Variants in SPOCK3 observed in about 807,000 individuals in gnomAD.
SPOCK3 encodes the protein SPARC (osteonectin), cwcv and kazal like domains proteoglycan 3.
A neutral mutation model predicts 56.6 loss-of-function variants in SPOCK3; 30 were observed. The ratio of observed to expected loss-of-function variants is 0.53; its 90% CI spans 0.40 to 0.72. The LOEUF (loss-of-function observed/expected upper bound fraction) is 0.72, where lower values mean the gene tolerates loss of function less well. SPOCK3 is among the 30% of genes least tolerant of loss of function. The probability of loss-of-function intolerance (pLI) is 0.00; values close to 1 mark genes in which losing one functional copy is unlikely to be tolerated. For missense variants in SPOCK3, 527 were observed against 530.0 expected (o/e 0.99, Z 0.06); for synonymous variants, 196 against 183.3 (o/e 1.07, Z -0.56).
chr4:167,016,155 G>A (rs1233360218), intron 3 of SPOCK3, among the ~76,000 whole-genome samples: 1 of 152,092 alleles, frequency 6.6e-6, no homozygotes, highest in Non-Finnish European at 1.5e-5. Flanking sequence ...GTGGCTTGAT[G>A]ATATGAAAAA....
chr4:166,882,416 A>C lies in SPOCK3; in HGVS notation c.589+6714T>G, dbSNP rs552246678. 3.9e-5 allele frequency among the ~76,000 whole-genome samples: 6 copies of C among 152,314 alleles called. No homozygotes were observed. The South Asian group carries it at 1.2e-3, about 32-fold the overall frequency. Reference sequence around the variant, plus strand: ...GTACCATGGTGCTGTCTGGGCTTGCATCAATTGTGATTTGTCGGGACCCAG... The same window carrying C: ...GTACCATGGTGCTGTCTGGGCTTGCCTCAATTGTGATTTGTCGGGACCCAG... On this transcript the variant is annotated intron_variant, in intron 6 of 10. Transcript: ENST00000357545.
intron 2 of SPOCK3, among the ~76,000 whole-genome samples, chr4:167,166,859 CTGAGTA>C (rs1306437365): frequency 3.3e-5 from 5 of 152,162 alleles, no homozygotes; most frequent in Non-Finnish European, 7.4e-5. Flanking sequence ...CCAAACTATT[CTGAGTA>C]TTTCTCAAAG....
intron 2 of SPOCK3, among the ~76,000 whole-genome samples, chr4:167,085,484 A>G (rs1314607690): frequency 6.6e-6 from 1 of 152,158 alleles, no homozygotes; most frequent in Non-Finnish European, 1.5e-5. Flanking sequence ...CTTTGGAATC[A>G]AACAATACTC....
intron 2 of SPOCK3, among the ~76,000 whole-genome samples, chr4:167,208,981 T>TA (rs1734609524): frequency 6.6e-6 from 1 of 152,164 alleles, no homozygotes; most frequent in Non-Finnish European, 1.5e-5. Flanking sequence ...AGATCACTAA[T>TA]AGTGAAATAT....
intron 2 of SPOCK3, among the ~76,000 whole-genome samples, chr4:167,153,284 A>T (rs1252500666): frequency 6.6e-6 from 1 of 152,172 alleles, no homozygotes; most frequent in Non-Finnish European, 1.5e-5. Flanking sequence ...TCAAAAAACA[A>T]AAACAAAACA....
chr4:167,123,745 T>C (rs537134415), intron 2 of SPOCK3, among the ~76,000 whole-genome samples: 99 of 149,372 alleles, frequency 6.6e-4, no homozygotes, highest in Admixed American at 2.1e-3. Flanking sequence ...CTTTTCTTTT[T>C]TTTTTTTTTT....
rs760895782 is a variant in SPOCK3 at position 166,754,728 on chromosome 4, T to A, written c.711A>T (p.Arg237Ser). 2 of 1,612,092 alleles carry A rather than the reference T, an allele frequency of 1.2e-6. No individual in the cohort carries two copies. Among genetic ancestry groups the A allele is most frequent in the South Asian group, 2.2e-5 (2 of 90,846 alleles). ...TKTLLRPERS[R>S]FDTSILPICK... ...AAATTGGCAAGATGCTGGTATCGAA[T>A]CCTAAAGGCAAAAAAAAGAAAATGA... is the stretch of plus-strand genomic sequence containing the variant. The change falls in exon 8 of 11, where the codon AGA becomes AGT. Residue 237 changes from arginine (R) to serine (S), a missense_variant and splice_region_variant. Physicochemically the swap from Arg to Ser is moderately radical, Grantham distance 110. Transcript: ENST00000357545.
At chr4:167,064,384 C>T (rs542087446) in intron 2 of SPOCK3, among the ~76,000 whole-genome samples, 89 of 151,752 alleles carry the variant, frequency 5.9e-4, no homozygotes, top group South Asian at 2.9e-3. Context: ...TTAATAAACA[C>T]TGATTATGTA....
At chr4:166,927,319 T>C (rs1739226286) in intron 4 of SPOCK3, among the ~76,000 whole-genome samples, 1 of 152,166 alleles carries the variant, frequency 6.6e-6, no homozygotes, top group East Asian at 1.9e-4. Flanking sequence ...ATACAGTTCC[T>C]GTGGTAGTTC....
At position 166,949,038 on chromosome 4, in the gene SPOCK3, G is replaced by A. The variant is rs199563567; in HGVS notation, c.351-36295C>T. On this transcript the variant is annotated intron_variant, in intron 4 of 10. Coordinates refer to ENST00000357545, the MANE Select transcript of SPOCK3 (RefSeq NM_001040159.2). ...CCCATATTTCTTGGAGGCTTTGTTC[G>A]TTTCTTTTTATTCTTTTTTCTCTAA... is the stretch of plus-strand genomic sequence containing the variant. Among the ~76,000 whole-genome samples the A allele has an allele frequency of 7.7e-4, 117 of 152,160 alleles. 2 individuals carry two copies. In the East Asian group the frequency reaches 9.7e-3, roughly 13 times the overall value.
intron 2 of SPOCK3, among the ~76,000 whole-genome samples, chr4:167,083,625 C>T (rs547790045): frequency 1.3e-5 from 2 of 152,092 alleles, no homozygotes; most frequent in African/African-American, 4.8e-5. Flanking sequence ...TAATTGTCTA[C>T]TTGAAATGCT....
At chr4:166,770,780 C>T (rs938601079) in intron 7 of SPOCK3, among the ~76,000 whole-genome samples, 4 of 151,800 alleles carry the variant, frequency 2.6e-5, no homozygotes, top group African/African-American at 9.7e-5. Flanking sequence ...CTAAGAGACC[C>T]GTTTTAGATA....
chr4:167,150,490 CTGAAAGAGGGT>C (rs778320335), intron 2 of SPOCK3, among the ~76,000 whole-genome samples: 55 of 151,592 alleles, frequency 3.6e-4, no homozygotes, highest in Non-Finnish European at 6.3e-4. Context: ...AAGAGATATC[CTGAAAGAGGGT>C]GGAAAGAGTG....
At chr4:167,043,755 T>C (rs1593769) in intron 3 of SPOCK3, among the ~76,000 whole-genome samples, 76,096 of 151,684 alleles carry the variant, frequency 0.5, 21,593 homozygotes, top group East Asian at 0.84. Flanking sequence ...TTGAATTATA[T>C]TGAGCCAGCC....
intron 5 of SPOCK3, among the ~76,000 whole-genome samples, chr4:166,896,383 TCCTGCTGCAGTAGAAGGA>T (rs1735385586): frequency 6.6e-6 from 1 of 152,162 alleles, no homozygotes; most frequent in Non-Finnish European, 1.5e-5. Flanking sequence ...TGCACCTGTT[TCCTGCTGCAGTAGAAGGA>T]CCCATCCTCT....
At chr4:167,014,128 C>T (rs1040696441) in intron 3 of SPOCK3, among the ~76,000 whole-genome samples, 1 of 152,172 alleles carries the variant, frequency 6.6e-6, no homozygotes, top group Admixed American at 6.6e-5. Flanking sequence ...TTCTACTGAG[C>T]TCCTCCTGGA....
intron 4 of SPOCK3, among the ~76,000 whole-genome samples, chr4:166,970,344 G>A (rs1298239003): frequency 6.6e-6 from 1 of 152,098 alleles, no homozygotes; most frequent in East Asian, 1.9e-4. Context: ...CACTTCTTTG[G>A]AATTCTTTGT....
At chr4:166,998,357 A>G (rs1160579082) in intron 4 of SPOCK3, among the ~76,000 whole-genome samples, 1 of 152,122 alleles carries the variant, frequency 6.6e-6, no homozygotes, top group Non-Finnish European at 1.5e-5. Context: ...AGGATCTTTC[A>G]ATTTTATATA....
chr4:167,040,561 G>A (rs940034487), intron 3 of SPOCK3, among the ~76,000 whole-genome samples: 4 of 152,136 alleles, frequency 2.6e-5, no homozygotes, highest in Admixed American at 2.6e-4. Context: ...GTAACAATGT[G>A]CTTCAAAATA....
Sources: allele counts gnomAD v4.1 joint callset (sites outside exome capture counted in the v4.1 genomes callset), GRCh38; gene constraint gnomAD v4.1.1; transcripts MANE v1.5; gene names NCBI Gene and HGNC (gene_info 2026-07-23, HGNC 2026-07-21).